SDK1: variants seen among roughly 807,000 people sequenced by gnomAD.
The protein encoded by SDK1 is sidekick cell adhesion molecule 1, also known as protein sidekick-1.
In SDK1, 157 loss-of-function variants were observed where a neutral mutation model predicts 245.5. The ratio of observed to expected loss-of-function variants is 0.64; its 90% CI spans 0.56 to 0.73. SDK1 has a LOEUF of 0.73. SDK1 is among the 30% of genes least tolerant of loss of function. The probability of loss-of-function intolerance (pLI) is 0.00; values close to 1 mark genes in which losing one functional copy is unlikely to be tolerated. For synonymous variants in SDK1, 1,647 were observed against 1,278.5 expected, an observed-to-expected ratio of 1.29 and a Z score of -6.15; for missense variants, 3,583 against 3,002.3, an observed-to-expected ratio of 1.19 and a Z score of -4.52.
intron 44 of SDK1, among the ~76,000 whole-genome samples, chr7:4,260,861 G>A (rs1052322275): frequency 1.8e-4 from 28 of 151,718 alleles, no homozygotes; most frequent in Non-Finnish European, 3.7e-4. Flanking sequence ...TGTGTTCATC[G>A]TCACCTGATG....
At chr7:3,503,667 AC>A (rs1361950511) in intron 1 of SDK1, among the ~76,000 whole-genome samples, 3 of 152,058 alleles carry the variant, frequency 2.0e-5, no homozygotes, top group Non-Finnish European at 2.9e-5. Flanking sequence ...ATAGAGCCAG[AC>A]CTTCATATCT....
At chr7:4,041,417 T>C (rs1788628680) in intron 17 of SDK1, among the ~76,000 whole-genome samples, 1 of 152,020 alleles carries the variant, frequency 6.6e-6, no homozygotes, top group African/African-American at 2.4e-5. Flanking sequence ...ACCAGAGTGG[T>C]ACCTTTCTTA....
chr7:4,017,420 C>G, intron 17 of SDK1, 68 bp downstream of exon 17: 5 of 1,410,250 alleles, frequency 3.5e-6, no homozygotes, highest in Non-Finnish European at 4.9e-6. Flanking sequence ...CAAGGTTTGA[C>G]TGGAGTACGT....
At chr7:3,371,872 G>A (rs1242602300) in intron 1 of SDK1, among the ~76,000 whole-genome samples, 1 of 152,178 alleles carries the variant, frequency 6.6e-6, no homozygotes, top group Non-Finnish European at 1.5e-5. Flanking sequence ...CAAAATTAAC[G>A]AACAGAGGTT....
intron 14 of SDK1, among the ~76,000 whole-genome samples, chr7:4,008,398 T>A (rs776465619): frequency 6.6e-6 from 1 of 152,228 alleles, no homozygotes; most frequent in Non-Finnish European, 1.5e-5. Context: ...GAGGGGTGCC[T>A]CCTTGGCCAG....
intron 1 of SDK1, among the ~76,000 whole-genome samples, chr7:3,422,704 C>A (rs1467651377): frequency 2.0e-5 from 3 of 152,084 alleles, no homozygotes; most frequent in African/African-American, 7.2e-5. Flanking sequence ...GATTGAAAAC[C>A]CTACTCTGGC....
intron 4 of SDK1, among the ~76,000 whole-genome samples, chr7:3,644,927 C>T (rs1018141203): frequency 4.0e-5 from 6 of 151,448 alleles, no homozygotes; most frequent in Non-Finnish European, 7.4e-5. Context: ...GAATTGGTAC[C>T]AGGGATGGGG....
chr7:3,786,982 C>G (rs1780920339), intron 4 of SDK1, among the ~76,000 whole-genome samples: 2 of 152,030 alleles, frequency 1.3e-5, no homozygotes, highest in African/African-American at 4.8e-5. Context: ...AAACATTGTT[C>G]TCTTACTCTG....
chr7:3,611,709 A>G (rs887684264), intron 1 of SDK1, among the ~76,000 whole-genome samples: 3 of 152,146 alleles, frequency 2.0e-5, no homozygotes, highest in Non-Finnish European at 2.9e-5. Context: ...GCCAACATCT[A>G]TTATTTTTTG....
At chr7:3,409,995 C>T (rs1393608714) in intron 1 of SDK1, among the ~76,000 whole-genome samples, 2 of 152,064 alleles carry the variant, frequency 1.3e-5, no homozygotes, top group African/African-American at 4.8e-5. Context: ...GACATGCTGT[C>T]TGTGCTTCAA....
chr7:3,730,809 C>A (rs958501635), intron 4 of SDK1, among the ~76,000 whole-genome samples: 3 of 152,136 alleles, frequency 2.0e-5, no homozygotes, highest in Non-Finnish European at 2.9e-5. Flanking sequence ...ACATATAACC[C>A]TCTCTTTGGC....
chr7:3,342,546 T>C (rs1179340253), intron 1 of SDK1, among the ~76,000 whole-genome samples: 1 of 151,720 alleles, frequency 6.6e-6, no homozygotes, highest in Non-Finnish European at 1.5e-5. Context: ...CGAGATCGCA[T>C]CGTTGCACTC....
chr7:3,525,049 A>G (rs1194290860), intron 1 of SDK1, among the ~76,000 whole-genome samples: 1 of 152,186 alleles, frequency 6.6e-6, no homozygotes, highest in Admixed American at 6.5e-5. Context: ...AAAAAAATAT[A>G]ACTATTTACG....
At chr7:3,335,412 G>T (rs1046505253) in intron 1 of SDK1, among the ~76,000 whole-genome samples, 2 of 139,872 alleles carry the variant, frequency 1.4e-5, no homozygotes, top group Admixed American at 1.5e-4. Context: ...ATACATAATG[G>T]TACTTATCTT....
chr7:3,521,339 TGTAAAGTAA>T (rs1027636905), intron 1 of SDK1, among the ~76,000 whole-genome samples: 1 of 152,184 alleles, frequency 6.6e-6, no homozygotes, highest in African/African-American at 2.4e-5. Flanking sequence ...CCTTTTGCTT[TGTAAAGTAA>T]CAGATTCATG....
chr7:4,010,606 G>C (rs987488973), intron 14 of SDK1, among the ~76,000 whole-genome samples: 6 of 152,170 alleles, frequency 3.9e-5, no homozygotes, highest in Non-Finnish European at 5.9e-5. Flanking sequence ...CCTTTTCTGG[G>C]AGACAAATCT....
intron 1 of SDK1, among the ~76,000 whole-genome samples, chr7:3,369,875 A>G (rs1781180387): frequency 6.6e-6 from 1 of 152,196 alleles, no homozygotes; most frequent in Non-Finnish European, 1.5e-5. Context: ...GAAAGTGGGT[A>G]TTTCAGGGCA....
intron 1 of SDK1, among the ~76,000 whole-genome samples, chr7:3,602,079 G>A (rs1028157442): frequency 4.6e-5 from 7 of 151,876 alleles, no homozygotes; most frequent in Non-Finnish European, 7.4e-5. Context: ...GTCTATCGTT[G>A]TTGGACATTT....
intron 30 of SDK1, among the ~76,000 whole-genome samples, 173 bp from the exon 31 acceptor site, chr7:4,158,275 T>G (rs1173344713): frequency 6.6e-6 from 1 of 152,198 alleles, no homozygotes; most frequent in African/African-American, 2.4e-5. Flanking sequence ...AGGAAGTGAT[T>G]GGGTCCGACC....
Sources: gnomAD v4.1 joint callset for allele counts (sites outside exome capture counted in the v4.1 genomes callset) on GRCh38, gnomAD v4.1.1 for gene constraint, MANE v1.5 for transcripts, NCBI Gene and HGNC (gene_info 2026-07-23, HGNC 2026-07-21) for gene names.